Variants in MAP7 observed in about 807,000 individuals in gnomAD.
MAP7 encodes ensconsin.
MAP7 carries 52 observed loss-of-function variants against 94.8 expected under a neutral mutation model. That is an observed-to-expected ratio of 0.55 (90% confidence interval 0.44 to 0.69). MAP7 has a LOEUF of 0.69. Among genes scored for constraint, MAP7 ranks in the 30% least tolerant of loss-of-function variants. MAP7 has a pLI of 0.00. For synonymous variants in MAP7, 350 were observed against 357.0 expected, an observed-to-expected ratio of 0.98 and a Z score of 0.22; for missense variants, 940 against 964.6, an observed-to-expected ratio of 0.97 and a Z score of 0.34.
At chr6:136,397,961 T>C (rs761515898) in intron 3 of MAP7, among the ~76,000 whole-genome samples, 1 of 152,184 alleles carries the variant, frequency 6.6e-6, no homozygotes, top group African/African-American at 2.4e-5. Flanking sequence ...GGGATCACAT[T>C]ATAAAATGAA....
chr6:136,453,127 G>A (rs1801706106), intron 1 of MAP7, among the ~76,000 whole-genome samples: 1 of 152,104 alleles, frequency 6.6e-6, no homozygotes, highest in Admixed American at 6.6e-5. Context: ...GTTTTCTTTT[G>A]TTAATCTGAA....
chr6:136,530,326 G>T (rs1478890363), intron 1 of MAP7, among the ~76,000 whole-genome samples: 1 of 152,200 alleles, frequency 6.6e-6, no homozygotes, highest in Non-Finnish European at 1.5e-5. Flanking sequence ...TCAGGGTCCA[G>T]AAGTGCCAAA....
chr6:136,427,810 G>A (rs1342467320), intron 1 of MAP7, among the ~76,000 whole-genome samples: 1 of 152,194 alleles, frequency 6.6e-6, no homozygotes, highest in Non-Finnish European at 1.5e-5. Flanking sequence ...GCAGAGCATA[G>A]TAAGAGTGTG....
intron 1 of MAP7, among the ~76,000 whole-genome samples, chr6:136,482,637 A>C (rs1286711143): frequency 6.6e-6 from 1 of 151,846 alleles, no homozygotes; most frequent in East Asian, 1.9e-4. Context: ...TATGTTCATC[A>C]CAGCACTATT....
intron 3 of MAP7, among the ~76,000 whole-genome samples, chr6:136,398,024 TC>T (rs1425802731): frequency 6.6e-6 from 1 of 152,174 alleles, no homozygotes; most frequent in Non-Finnish European, 1.5e-5. Context: ...GTCAGTCCCA[TC>T]CCTGACCTGC....
At chr6:136,377,652 AAG>A in intron 7 of MAP7, 101 bp downstream of exon 7, 1 of 806,688 alleles carries the variant, frequency 1.2e-6, no homozygotes, top group Non-Finnish European at 2.1e-6. Context: ...CCACCGGGGG[AAG>A]AGAGAAGCGC....
chr6:136,378,017 G>T, intron 6 of MAP7, 149 bp from the exon 7 acceptor site: 1 of 531,368 alleles, frequency 1.9e-6, no homozygotes, highest in Non-Finnish European at 3.4e-6. Flanking sequence ...AGGGCAACAG[G>T]ACCCCTGTCC....
At chr6:136,381,065 C>A (rs555563469) in intron 6 of MAP7, among the ~76,000 whole-genome samples, 1 of 152,062 alleles carries the variant, frequency 6.6e-6, no homozygotes, top group African/African-American at 2.4e-5. Flanking sequence ...TCTATAAGGT[C>A]CTCTAATTTA....
At chr6:136,488,226 A>T (rs1371449802) in intron 1 of MAP7, among the ~76,000 whole-genome samples, 1 of 152,212 alleles carries the variant, frequency 6.6e-6, no homozygotes, top group Non-Finnish European at 1.5e-5. Context: ...TTATGGTAGT[A>T]GTGACACTAT....
chr6:136,397,700 G>A (rs1346080566), intron 3 of MAP7, among the ~76,000 whole-genome samples: 1 of 152,172 alleles, frequency 6.6e-6, no homozygotes, highest in Non-Finnish European at 1.5e-5. Context: ...AACAGAAGCT[G>A]AACTTGATCT....
At chr6:136,363,934 G>C (rs1353023799) in intron 10 of MAP7, among the ~76,000 whole-genome samples, 1 of 152,210 alleles carries the variant, frequency 6.6e-6, no homozygotes, top group African/African-American at 2.4e-5. Flanking sequence ...TAGTAAGTCT[G>C]AGGTAAAAAC....
intron 11 of MAP7, among the ~76,000 whole-genome samples, 156 bp downstream of exon 11, chr6:136,362,294 C>T (rs1554231189): frequency 6.6e-6 from 1 of 152,128 alleles, no homozygotes; most frequent in Non-Finnish European, 1.5e-5. Context: ...AAAAAACAAA[C>T]TGCTTAGTAG....
chr6:136,393,151 C>T (rs1447224206), intron 3 of MAP7, among the ~76,000 whole-genome samples: 1 of 152,038 alleles, frequency 6.6e-6, no homozygotes, highest in Non-Finnish European at 1.5e-5. Context: ...GCTTTAATAT[C>T]CTTATTTGGC....
At chr6:136,384,871 C>G (rs1778775062) in intron 5 of MAP7, among the ~76,000 whole-genome samples, 1 of 152,008 alleles carries the variant, frequency 6.6e-6, no homozygotes, top group Non-Finnish European at 1.5e-5. Flanking sequence ...TATAGTAGAC[C>G]CAGGTTATAA....
intron 1 of MAP7, among the ~76,000 whole-genome samples, chr6:136,479,518 C>A (rs1812068911): frequency 6.6e-6 from 1 of 152,090 alleles, no homozygotes; most frequent in African/African-American, 2.4e-5. Flanking sequence ...AGTAATCAGA[C>A]AAGAGAAAGA....
chr6:136,408,270 C>T (rs1415398960), intron 3 of MAP7, among the ~76,000 whole-genome samples: 9 of 152,082 alleles, frequency 5.9e-5, no homozygotes, highest in South Asian at 2.1e-4. Context: ...AAGTGCCCAA[C>T]GACAGAATAA....
chr6:136,372,655 G>A lies in MAP7; in HGVS notation c.752-30C>T, dbSNP rs760713422. The A allele has an allele frequency of 3.7e-6, 6 of 1,613,996 alleles. No individual in the cohort carries two copies. The Admixed American group carries it at 5.0e-5, about 13-fold the overall frequency. On this transcript the variant is annotated intron_variant, in intron 7 of 17. Transcript: ENST00000354570. ...ACGAGGACAAATGGGGATAACTAGG[G>A]TGCAGGTGATTGGTTTTACACACAA...
At chr6:136,421,357 T>C (rs963870000) in intron 2 of MAP7, among the ~76,000 whole-genome samples, 10 of 152,246 alleles carry the variant, frequency 6.6e-5, no homozygotes, top group African/African-American at 2.2e-4. Flanking sequence ...TGAAACAGAA[T>C]AGTAAAATTA....
intron 1 of MAP7, among the ~76,000 whole-genome samples, chr6:136,444,585 T>C (rs539808539): frequency 4.6e-4 from 70 of 152,326 alleles, no homozygotes; most frequent in African/African-American, 1.5e-3. Flanking sequence ...TAATTTTCAG[T>C]GGTATAGAAT....
Sources: allele counts gnomAD v4.1 joint callset (sites outside exome capture counted in the v4.1 genomes callset), GRCh38; gene constraint gnomAD v4.1.1; transcripts MANE v1.5; gene names NCBI Gene and HGNC (gene_info 2026-07-23, HGNC 2026-07-21).